Variants in EFHC2 observed in about 807,000 individuals in gnomAD.
EFHC2 encodes EF-hand domain-containing family member C2.
EFHC2 carries 18 observed loss-of-function variants against 52.7 expected under a neutral mutation model. That is an observed-to-expected ratio of 0.34 (90% CI 0.24 to 0.51). EFHC2 has a LOEUF of 0.51. Among genes scored for constraint, EFHC2 ranks in the 20% least tolerant of loss-of-function variants. The pLI is 0.97. For missense variants in EFHC2, 513 were observed against 562.5 expected, an observed-to-expected ratio of 0.91 and a Z score of 0.89; for synonymous variants, 203 against 204.1, an observed-to-expected ratio of 0.99 and a Z score of 0.04.
chrX:44,272,609 T>C (rs1420191619), intron 3 of EFHC2, 77 bp downstream of exon 3: 9 of 1,057,504 alleles, frequency 8.5e-6, no homozygotes, highest in Non-Finnish European at 1.1e-5. Flanking sequence ...TGCAGTCTTT[T>C]GAAAAGCTAA....
chrX:44,178,128 A>AACACAC (rs1569277347), intron 12 of EFHC2, among the ~76,000 whole-genome samples: 3 of 40,233 alleles, frequency 7.5e-5, no homozygotes, highest in Non-Finnish European at 1.3e-4. Flanking sequence ...CAGATGCCAT[A>AACACAC]TCACACACAC....
chrX:44,282,784 C>T (rs769283029), intron 2 of EFHC2, among the ~76,000 whole-genome samples: 18 of 110,356 alleles, frequency 1.6e-4, no homozygotes, highest in Non-Finnish European at 3.0e-4. Flanking sequence ...AAAACCATGA[C>T]TACGCTTTTG....
intron 2 of EFHC2, among the ~76,000 whole-genome samples, chrX:44,300,980 C>T (rs1253740900): frequency 1.8e-5 from 2 of 108,737 alleles, no homozygotes; most frequent in Non-Finnish European, 3.8e-5. Flanking sequence ...CGTGGTGGCA[C>T]ACGCCTGTAG....
At chrX:44,308,554 T>C (rs1239505097) in intron 2 of EFHC2, among the ~76,000 whole-genome samples, 1 of 111,433 alleles carries the variant, frequency 9.0e-6, no homozygotes, top group Non-Finnish European at 1.9e-5. Context: ...TTCTAGTGAT[T>C]TAACTTAAGA....
At chrX:44,280,757 G>C (rs1309777169) in intron 2 of EFHC2, among the ~76,000 whole-genome samples, 1 of 111,718 alleles carries the variant, frequency 9.0e-6, no homozygotes, top group Non-Finnish European at 1.9e-5. Flanking sequence ...CTTAAAAATA[G>C]TTTTAATAAA....
chrX:44,341,612 C>T (rs768835056), intron 1 of EFHC2, among the ~76,000 whole-genome samples: 1 of 111,711 alleles, frequency 9.0e-6, no homozygotes, highest in Admixed American at 9.5e-5. Context: ...CCACGCTTGG[C>T]TAATTTTTTC....
rs377240199 is a variant in EFHC2 at position 44,207,338 on chromosome X, T to G, written c.1751+22311A>C. Among the ~76,000 whole-genome samples, 192 of 111,061 alleles carry G rather than the reference T, an allele frequency of 1.7e-3. 1 individual carries two copies. The highest frequency in any genetic ancestry group is 6.0e-3 in the African/African-American group (184 of 30,601). On this transcript the variant is annotated intron_variant, in intron 11 of 14. Transcript: ENST00000420999. ...ACCAGCCTGGCCAACATGGTGAAAC[T>G]CCGTCTCCACAAAAATAGAAAAGTT...
chrX:44,157,803 C>G (rs2036620290), intron 14 of EFHC2, among the ~76,000 whole-genome samples: 1 of 90,516 alleles, frequency 1.1e-5, no homozygotes, highest in Non-Finnish European at 2.1e-5. Flanking sequence ...TTTATCAAAT[C>G]CATCTCCAGG....
chrX:44,283,762 T>G (rs1234814243), intron 2 of EFHC2, among the ~76,000 whole-genome samples: 1 of 104,124 alleles, frequency 9.6e-6, no homozygotes, highest in African/African-American at 3.6e-5. Flanking sequence ...CGTTCCGGGC[T>G]CGGACGCCAT....
chrX:44,331,798 C>T (rs757904481), intron 1 of EFHC2, among the ~76,000 whole-genome samples: 1 of 110,502 alleles, frequency 9.0e-6, no homozygotes, highest in South Asian at 3.9e-4. Flanking sequence ...GTGGTGTGCA[C>T]CTGTGGTCCC....
At chrX:44,201,956 T>C (rs2037009021) in intron 11 of EFHC2, among the ~76,000 whole-genome samples, 1 of 111,561 alleles carries the variant, frequency 9.0e-6, no homozygotes, top group South Asian at 3.7e-4. Flanking sequence ...AAATATCTTT[T>C]GTAAGGTAAG....
At chrX:44,160,586 G>C (rs1023015290) in intron 14 of EFHC2, among the ~76,000 whole-genome samples, 2 of 111,547 alleles carry the variant, frequency 1.8e-5, no homozygotes, top group Non-Finnish European at 3.8e-5. Flanking sequence ...TGTTTTCAGA[G>C]GCAAAATATG....
intron 1 of EFHC2, among the ~76,000 whole-genome samples, chrX:44,339,052 G>A (rs1471881692): frequency 2.7e-5 from 3 of 111,507 alleles, no homozygotes; most frequent in Admixed American, 9.5e-5. Flanking sequence ...TTAGCCAGGC[G>A]TGGTGGCACA....
At chrX:44,239,883 C>T (rs1189344984) in intron 8 of EFHC2, among the ~76,000 whole-genome samples, 1 of 111,527 alleles carries the variant, frequency 9.0e-6, no homozygotes, top group African/African-American at 3.3e-5. Flanking sequence ...TCAGACTAGA[C>T]AATCTGCCCA....
At chrX:44,280,236 G>A (rs2147358313) in intron 2 of EFHC2, among the ~76,000 whole-genome samples, 1 of 110,032 alleles carries the variant, frequency 9.1e-6, no homozygotes, top group African/African-American at 3.3e-5. Context: ...TTAATAGTCT[G>A]TAACAGTTAC....
chrX:44,177,825 T>G (rs1368238001), intron 12 of EFHC2, among the ~76,000 whole-genome samples: 1 of 110,959 alleles, frequency 9.0e-6, no homozygotes, highest in African/African-American at 3.3e-5. Context: ...TGATTTACTA[T>G]GCTTCAGTTG....
intron 3 of EFHC2, 92 bp downstream of exon 3, chrX:44,272,594 T>A: frequency 1.1e-6 from 1 of 933,515 alleles, no homozygotes; most frequent in East Asian, 3.4e-5. Flanking sequence ...GCCTAAACAG[T>A]AGCATGCAGT....
chrX:44,181,204 A>G (rs972606868), intron 11 of EFHC2, among the ~76,000 whole-genome samples: 1 of 111,898 alleles, frequency 8.9e-6, no homozygotes, highest in Non-Finnish European at 1.9e-5. Context: ...ACAGGTGCAC[A>G]TATGGTCATA....
intron 14 of EFHC2, among the ~76,000 whole-genome samples, chrX:44,162,724 A>G (rs967757883): frequency 3.6e-5 from 4 of 110,434 alleles, no homozygotes; most frequent in Non-Finnish European, 7.6e-5. Flanking sequence ...ACTACTCATC[A>G]TTGAAATTTC....
Sources: allele counts gnomAD v4.1 joint callset (sites outside exome capture counted in the v4.1 genomes callset), GRCh38; gene constraint gnomAD v4.1.1; transcripts MANE v1.5; gene names NCBI Gene and HGNC (gene_info 2026-07-23, HGNC 2026-07-21).